The following OGFOD3 variants were observed in gnomAD, a reference collection of about 807,000 sequenced individuals.
The protein encoded by OGFOD3 is 2-oxoglutarate and iron dependent oxygenase domain containing 3.
In OGFOD3, 35 loss-of-function variants were observed where a neutral mutation model predicts 39.8. That is an observed-to-expected ratio of 0.88 (90% CI 0.67 to 1.17). OGFOD3 has a LOEUF of 1.17. OGFOD3 is among the 50% of genes most tolerant of loss of function. The probability of loss-of-function intolerance (pLI) is 0.00; values close to 1 mark genes in which losing one functional copy is unlikely to be tolerated. For synonymous variants in OGFOD3, 200 were observed against 192.0 expected (o/e 1.04, Z -0.34); for missense variants, 438 against 454.5 (o/e 0.96, Z 0.33).
chr17:82,395,682 G>T (rs62079525), intron 8 of OGFOD3, among the ~76,000 whole-genome samples: 39,844 of 152,026 alleles, frequency 0.26, 5,948 homozygotes, highest in Non-Finnish European at 0.35. Flanking sequence ...TTAGCCGGGC[G>T]TGGTGGTAGG....
rs761741544 is a variant in OGFOD3, at chr17:82,405,293, G to T, written c.545+31C>A. 6 of 1,599,728 alleles carry T rather than the reference G, an allele frequency of 3.8e-6. No homozygotes were observed. In the African/African-American group the frequency reaches 4.1e-5, roughly 11 times the overall value. ...CCCTCAGCCCCAGGCCACCCCGCCTGCGAACCCCCACCCGCCTCACTCCTC... is the reference window on the plus strand; with the variant it reads ...CCCTCAGCCCCAGGCCACCCCGCCTTCGAACCCCCACCCGCCTCACTCCTC... On this transcript the variant is annotated intron_variant, in intron 6 of 8. Transcript: ENST00000313056.
At chr17:82,413,099 C>G (rs1238686409) in intron 2 of OGFOD3, among the ~76,000 whole-genome samples, 2 of 152,176 alleles carry the variant, frequency 1.3e-5, no homozygotes, top group African/African-American at 4.8e-5. Flanking sequence ...ATCTAATGGA[C>G]ATAGGTGTTG....
At chr17:82,411,931 T>C (rs553525955) in intron 2 of OGFOD3, among the ~76,000 whole-genome samples, 6 of 151,542 alleles carry the variant, frequency 4.0e-5, no homozygotes, top group East Asian at 1.9e-4. Flanking sequence ...AGGAAAACCC[T>C]CCTGAGACCA....
At chr17:82,417,095 A>C (rs2053068530) in intron 1 of OGFOD3, 1 of 152,204 alleles carries the variant, frequency 6.6e-6, no homozygotes, top group Non-Finnish European at 1.5e-5. Context: ...AACTTCTCAT[A>C]TTACTATTGA....
rs760997297 is a variant in OGFOD3, at chr17:82,398,272, G to A, written c.747C>T (p.Asn249=). Reference sequence around the variant, plus strand: ...GCCCTCCGCCGAAGTCCTCCAGGTAGTTGGAGAGGTACAGCAGCGAGGTGT... The same window carrying A: ...GCCCTCCGCCGAAGTCCTCCAGGTAATTGGAGAGGTACAGCAGCGAGGTGT... ...FDYTSLLYLS[N]YLEDFGGGRF... The change falls in exon 8 of 9, where the codon AAC becomes AAT. Residue 249 remains asparagine (N), a synonymous_variant. Transcript: ENST00000313056. 6.2e-7 allele frequency: 1 copy of A among 1,614,092 alleles called. No homozygotes were observed. The highest frequency in any genetic ancestry group is 8.5e-7 in the Non-Finnish European group (1 of 1,180,038).
Position 82,394,299 on chromosome 17 carries a change from C to T in OGFOD3, c.824-1765G>A. 4.7e-6 allele frequency: 7 copies of T among 1,504,984 alleles called. No individual in the cohort carries two copies. The South Asian group carries it at 9.4e-5, about 20-fold the overall frequency. The allele number at this position is 1,504,984 out of a possible 1,614,324, so 93.2% of individuals were successfully genotyped here. The stretch of plus-strand genomic sequence containing the variant: ...GCCACCACGCCCGGCCTAAGATGCA[C>T]TTTCTTTAGTAAATGACTATTAGAT... On this transcript the variant is annotated intron_variant, in intron 8 of 8. Coordinates refer to ENST00000313056, the MANE Select transcript of OGFOD3 (RefSeq NM_024648.3).
chr17:82,415,475 C>T lies in OGFOD3; in HGVS notation c.227G>A (p.Arg76His), dbSNP rs780739143. Residue 76 changes from arginine (R) to histidine (H), a missense_variant, in exon 2 of 9, where the codon CGC becomes CAC. Physicochemically the swap from Arg to His is conservative, Grantham distance 29 (BLOSUM62 0). Transcript: ENST00000313056. The surrounding 1 kb of genome is among the most constrained non-coding windows in gnomAD (Gnocchi z 5.3). ...TCTCCCTGCCACGACCTCGCCACGG[C>T]GGGCCAGGACCTCTGCGACCCCGTC... Reference protein sequence around the residue: ...ADDGVAEVLARRGEVVAGRFI... With the variant: ...ADDGVAEVLAHRGEVVAGRFI... The T allele has an allele frequency of 3.3e-5, 53 of 1,613,838 alleles. No homozygotes were observed. The highest frequency in any genetic ancestry group is 4.4e-5 in the South Asian group (4 of 91,084).
chr17:82,417,299 C>G (rs1355532944), intron 1 of OGFOD3: 1 of 152,262 alleles, frequency 6.6e-6, no homozygotes, highest in African/African-American at 2.4e-5. Flanking sequence ...CAACCCCCCA[C>G]AACTAAATTT....
chr17:82,398,986 T>G lies in OGFOD3; in HGVS notation c.700-667A>C, dbSNP rs575398536. On this transcript the variant is annotated intron_variant, in intron 7 of 8. Transcript: ENST00000313056. The stretch of plus-strand genomic sequence containing the variant: ...CACTGTGCCTGGCTGATTTTTGTAT[T>G]TTTTGTAGAGGTTGGGGCGGGGTGG... 8.2e-5 allele frequency among the ~76,000 whole-genome samples: 12 copies of G among 146,904 alleles called. No individual in the cohort carries two copies. The East Asian group carries it at 2.4e-3, about 29-fold the overall frequency.
intron 1 of OGFOD3, among the ~76,000 whole-genome samples, chr17:82,416,799 T>C (rs2053053752): frequency 6.6e-6 from 1 of 152,114 alleles, no homozygotes; most frequent in South Asian, 2.1e-4. Flanking sequence ...GCCTCCTAAG[T>C]AGCTAGGATT....
chr17:82,397,411 G>GGT (rs1206104456), intron 8 of OGFOD3, among the ~76,000 whole-genome samples: 1 of 132,730 alleles, frequency 7.5e-6, no homozygotes, highest in Admixed American at 7.3e-5. Flanking sequence ...CGGGGGGGGG[G>GGT]GGGTGAGGGC....
Position 82,418,414 on chromosome 17 carries a change from G to A in OGFOD3, c.72C>T (p.Ser24=). ...GNGAAERRNR[S]STKKDRAPRE... ...GCCCTTCCCCTCCTCACCGCTACCTGCTCCGGTTCCGGCGCTCGGCCGCTC... is the reference window on the plus strand; with the variant it reads ...GCCCTTCCCCTCCTCACCGCTACCTACTCCGGTTCCGGCGCTCGGCCGCTC... The change falls in exon 1 of 9, where the codon AGC becomes AGT. Residue 24 remains serine (S), a splice_region_variant and synonymous_variant. Coordinates refer to ENST00000313056, the MANE Select transcript of OGFOD3 (RefSeq NM_024648.3). 4 of 1,477,978 alleles carry A rather than the reference G, an allele frequency of 2.7e-6. No homozygotes were observed. The highest frequency in any genetic ancestry group is 3.6e-6 in the Non-Finnish European group (4 of 1,119,842). The allele number at this position is 1,477,978 out of a possible 1,614,324, so 91.6% of individuals were successfully genotyped here.
intron 7 of OGFOD3, among the ~76,000 whole-genome samples, chr17:82,398,676 G>A (rs567261651): frequency 4.0e-5 from 6 of 151,802 alleles, no homozygotes; most frequent in Non-Finnish European, 8.8e-5. Context: ...TGGGATTACG[G>A]GCATGAGCCA....
chr17:82,406,425 G>A lies in OGFOD3; in HGVS notation c.481C>T (p.Leu161=). The change falls in exon 5 of 9, where the codon CTG becomes TTG. Residue 161 remains leucine, a synonymous_variant. Transcript: ENST00000313056. The surrounding 1 kb of genome is among the most constrained non-coding windows in gnomAD (Gnocchi z 5.2). ...ALSVGKHFVN[L]YRYFGDKIQN... is the part of the protein sequence containing the mutation. ...TCATGCTGCAGCACTCACCTGTACA[G>A]GTTCACAAAGTGCTTCCCGACAGAC... is the stretch of plus-strand genomic sequence containing the variant. 2.5e-6 allele frequency: 4 copies of A among 1,614,068 alleles called. No individual in the cohort carries two copies. Among genetic ancestry groups the A allele is most frequent in the Non-Finnish European group, 2.5e-6 (3 of 1,179,990 alleles).
At chr17:82,394,250 A>G (rs759615811) in intron 8 of OGFOD3, 51 of 1,205,914 alleles carry the variant, frequency 4.2e-5, no homozygotes, top group Non-Finnish European at 5.1e-5. Flanking sequence ...TTGGCCTCCC[A>G]AAGTGCTGGG....
At position 82,406,348 on chromosome 17, in the gene OGFOD3, A is replaced by G. The variant is rs887682787; in HGVS notation, c.488+70T>C. 6.2e-5 allele frequency: 88 copies of G among 1,413,076 alleles called. No homozygotes were observed. The Middle Eastern group carries it at 4.0e-3, about 65-fold the overall frequency. 87.5% of individuals were successfully genotyped at this position (1,413,076 alleles called of 1,614,324 possible). ...CACATGTCCACGTGTCCACATGTCC[A>G]TGGCTAAGAGGCACGGAGCCGCTCA... On this transcript the variant is annotated intron_variant, in intron 5 of 8. Transcript: ENST00000313056. This position sits in a 1 kb window ranked among gnomAD's most constrained non-coding sequence, Gnocchi z 5.2.
At chr17:82,413,155 C>A (rs773049021) in intron 2 of OGFOD3, among the ~76,000 whole-genome samples, 2 of 152,194 alleles carry the variant, frequency 1.3e-5, no homozygotes, top group Non-Finnish European at 2.9e-5. Context: ...ATAAGGTTTA[C>A]CCCACAAAAC....
intron 4 of OGFOD3, among the ~76,000 whole-genome samples, chr17:82,408,065 C>G (rs544484136): frequency 6.6e-6 from 1 of 152,114 alleles, no homozygotes; most frequent in South Asian, 2.1e-4. Flanking sequence ...ATGGCTTGAA[C>G]CCAGGAGTTG....
intron 3 of OGFOD3, among the ~76,000 whole-genome samples, chr17:82,411,108 G>A (rs1266401542): frequency 6.8e-6 from 1 of 147,770 alleles, no homozygotes; most frequent in Non-Finnish European, 1.5e-5. Context: ...GTGCAGTGGT[G>A]CAGTCTTGGC....
Sources: gnomAD v4.1 joint callset for allele counts (sites outside exome capture counted in the v4.1 genomes callset) on GRCh38, gnomAD v4.1.1 for gene constraint, Gnocchi (gnomAD v3.1) non-coding constraint, MANE v1.5 for transcripts, NCBI Gene and HGNC (gene_info 2026-07-23, HGNC 2026-07-21) for gene names.